Variants in IMPG2 observed in about 807,000 individuals in gnomAD.
IMPG2 encodes the protein interphotoreceptor matrix proteoglycan 2.
A neutral mutation model predicts 129.2 loss-of-function variants in IMPG2; 91 were observed. That is an observed-to-expected ratio of 0.70 (90% CI 0.59 to 0.84). The LOEUF (loss-of-function observed/expected upper bound fraction) is 0.84. Among genes scored for constraint, IMPG2 ranks in the 40% least tolerant of loss-of-function variants. IMPG2 has a pLI of 0.00. For synonymous variants in IMPG2, 510 were observed against 517.7 expected, an observed-to-expected ratio of 0.99 and a Z score of 0.20; for missense variants, 1,430 against 1,461.7, an observed-to-expected ratio of 0.98 and a Z score of 0.35.
chr3:101,262,067 G>T (rs1706676917), intron 9 of IMPG2, among the ~76,000 whole-genome samples: 1 of 152,008 alleles, frequency 6.6e-6, no homozygotes, highest in African/African-American at 2.4e-5. Flanking sequence ...TGCCCTGATT[G>T]ACTGTTTGAT....
intron 11 of IMPG2, among the ~76,000 whole-genome samples, chr3:101,251,426 T>G (rs1434277259): frequency 6.6e-6 from 1 of 152,196 alleles, no homozygotes; most frequent in Non-Finnish European, 1.5e-5. Context: ...CAATGAAGCT[T>G]TCCTATACAT....
At chr3:101,255,847 T>C (rs1194633081) in intron 10 of IMPG2, among the ~76,000 whole-genome samples, 2 of 151,866 alleles carry the variant, frequency 1.3e-5, no homozygotes, top group African/African-American at 2.4e-5. Context: ...CTCCAAAATA[T>C]AAAGCCTCCC....
Position 101,225,287 on chromosome 3 carries a change from T to A in IMPG2, c.*1682A>T, listed in dbSNP as rs950302140. 1 of 152,246 alleles carries A rather than the reference T, an allele frequency of 6.6e-6. No homozygotes were observed. The highest frequency in any genetic ancestry group is 1.5e-5 in the Non-Finnish European group (1 of 68,048). The allele number at this position is 152,246 out of a possible 1,614,324, so 9.4% of individuals were successfully genotyped here. ...AACATGTCAATAAAATAGTGGAAAG[T>A]GTACCTATACTGAACTGTTAGAGGA... On this transcript the variant is annotated 3_prime_UTR_variant, in exon 19 of 19. Transcript: ENST00000193391.
At position 101,232,835 on chromosome 3, in the gene IMPG2, A is replaced by C. The variant is rs781743972; in HGVS notation, c.3179T>G (p.Phe1060Cys). Reference sequence around the variant, plus strand: ...GTCACACTTTCCATCATTCAAGCAGAAGTCAGGCTGTAGGTCACAGAGACT... The same window carrying C: ...GTCACACTTTCCATCATTCAAGCAGCAGTCAGGCTGTAGGTCACAGAGACT... ...CQSLCDLQPD[F>C]CLNDGKCDIM... is the part of the protein sequence containing the mutation. Residue 1060 changes from phenylalanine to cysteine, a missense_variant, in exon 15 of 19, where the codon TTC becomes TGC. Phe to Cys is a radical substitution (Grantham distance 205). Transcript: ENST00000193391. The C allele has an allele frequency of 6.2e-7, 1 of 1,613,672 alleles. No homozygotes were observed. The highest frequency in any genetic ancestry group is 8.5e-7 in the Non-Finnish European group (1 of 1,179,948).
At chr3:101,279,496 T>G (rs1706871586) in intron 4 of IMPG2, among the ~76,000 whole-genome samples, 1 of 152,134 alleles carries the variant, frequency 6.6e-6, no homozygotes, top group Admixed American at 6.5e-5. Flanking sequence ...GATACTGGCC[T>G]ATAAAAACTA....
At chr3:101,313,831 A>G (rs191996951) in intron 2 of IMPG2, among the ~76,000 whole-genome samples, 27 of 152,262 alleles carry the variant, frequency 1.8e-4, no homozygotes, top group Admixed American at 1.6e-3. Context: ...ATCTATGTAG[A>G]AAGCCCTAAG....
intron 14 of IMPG2, among the ~76,000 whole-genome samples, chr3:101,239,981 T>C (rs1205003329): frequency 6.6e-6 from 1 of 151,988 alleles, no homozygotes; most frequent in Non-Finnish European, 1.5e-5. Flanking sequence ...GACTGGCTGA[T>C]GGGTGCAGCA....
In IMPG2 at chr3:101,223,825, C is replaced by G. The variant is rs2107197225; in HGVS notation, c.*3144G>C. On this transcript the variant is annotated 3_prime_UTR_variant, in exon 19 of 19. Coordinates refer to ENST00000193391, the MANE Select transcript of IMPG2 (RefSeq NM_016247.4). ...AAGGTGAGAATAAAATCAGGTAAAGCCTGCACTTGTTTTATTATATAAATT... is the reference window on the plus strand; with the variant it reads ...AAGGTGAGAATAAAATCAGGTAAAGGCTGCACTTGTTTTATTATATAAATT... The G allele has an allele frequency of 6.6e-6, 1 of 152,236 alleles. No individual in the cohort carries two copies. Among genetic ancestry groups the G allele is most frequent in the Admixed American group, 6.5e-5 (1 of 15,282 alleles). The allele number at this position is 152,236 out of a possible 1,614,324, so 9.4% of individuals were successfully genotyped here. A position where few individuals can be genotyped will look rare whatever the true frequency, so the allele number is the denominator to read the frequency against.
At chr3:101,229,168 G>T (rs1281207891) in intron 17 of IMPG2, among the ~76,000 whole-genome samples, 1 of 148,454 alleles carries the variant, frequency 6.7e-6, no homozygotes, top group African/African-American at 2.5e-5. Context: ...CATTGTGGGG[G>T]AAATAAGGTA....
In IMPG2 at chr3:101,243,394, A is replaced by G. The variant is rs189903409; in HGVS notation, c.2802+135T>C. 2.5e-4 allele frequency: 198 copies of G among 797,682 alleles called. 1 individual carries two copies. In the East Asian group the frequency reaches 3.2e-3, roughly 13 times the overall value. 49.4% of individuals were successfully genotyped at this position (797,682 alleles called of 1,614,324 possible). A position where few individuals can be genotyped will look rare whatever the true frequency, so the allele number is the denominator to read the frequency against. ...CTTACCAACCCTAGGCCATGATACT[A>G]TTTGTGAATGATAGGAAGTGAATGT... On this transcript the variant is annotated intron_variant, in intron 13 of 18. Coordinates refer to ENST00000193391, the MANE Select transcript of IMPG2 (RefSeq NM_016247.4).
At chr3:101,315,308 C>A (rs1042684595) in intron 2 of IMPG2, among the ~76,000 whole-genome samples, 1 of 152,110 alleles carries the variant, frequency 6.6e-6, no homozygotes, top group Non-Finnish European at 1.5e-5. Context: ...AACAGTATAG[C>A]ATATTTTTTA....
chr3:101,270,291 G>A (rs1423533894), intron 7 of IMPG2, among the ~76,000 whole-genome samples: 1 of 152,118 alleles, frequency 6.6e-6, no homozygotes, highest in Non-Finnish European at 1.5e-5. Flanking sequence ...AAACAGTCTA[G>A]TGTTTGTTTT....
At chr3:101,236,102 C>A (rs1706343121) in intron 14 of IMPG2, among the ~76,000 whole-genome samples, 1 of 152,142 alleles carries the variant, frequency 6.6e-6, no homozygotes, top group African/African-American at 2.4e-5. Context: ...GTGCTTTGAG[C>A]AGATCAAAAA....
chr3:101,290,453 G>A (rs1317867925), intron 4 of IMPG2, among the ~76,000 whole-genome samples: 1 of 152,146 alleles, frequency 6.6e-6, no homozygotes, highest in Non-Finnish European at 1.5e-5. Flanking sequence ...AGGCTGCAGT[G>A]AGGTGTGATC....
At chr3:101,259,611 G>T (rs189357703) in intron 9 of IMPG2, among the ~76,000 whole-genome samples, 3 of 150,842 alleles carry the variant, frequency 2.0e-5, no homozygotes, top group Admixed American at 6.6e-5. Context: ...AAAGAAAACC[G>T]CAGCACAATC....
At chr3:101,260,312 T>C (rs932130287) in intron 9 of IMPG2, among the ~76,000 whole-genome samples, 1 of 152,154 alleles carries the variant, frequency 6.6e-6, no homozygotes, top group Non-Finnish European at 1.5e-5. Flanking sequence ...CTCTAAGTAG[T>C]AAGAACATCT....
At chr3:101,236,435 A>T (rs1401553406) in intron 14 of IMPG2, among the ~76,000 whole-genome samples, 1 of 152,218 alleles carries the variant, frequency 6.6e-6, no homozygotes, top group Admixed American at 6.5e-5. Context: ...GAACAGCTCC[A>T]GTCTGCAGCT....
At chr3:101,279,467 G>A (rs1187398498) in intron 4 of IMPG2, among the ~76,000 whole-genome samples, 1 of 152,112 alleles carries the variant, frequency 6.6e-6, no homozygotes, top group African/African-American at 2.4e-5. Flanking sequence ...TCTTTAGAAG[G>A]GTTTCACTTG....
chr3:101,269,448 T>A (rs1706754629), intron 8 of IMPG2, 67 bp downstream of exon 8: 1 of 879,900 alleles, frequency 1.1e-6, no homozygotes, highest in African/African-American at 1.6e-5. Flanking sequence ...GTGATAAATA[T>A]AATGGACATT....
Sources: gnomAD v4.1 joint callset for allele counts (sites outside exome capture counted in the v4.1 genomes callset) on GRCh38, gnomAD v4.1.1 for gene constraint, MANE v1.5 for transcripts, NCBI Gene and HGNC (gene_info 2026-07-23, HGNC 2026-07-21) for gene names.